SPHKAP: variants seen among roughly 807,000 people sequenced by gnomAD.
SPHKAP encodes the protein A-kinase anchor protein SPHKAP.
Under a neutral mutation model 137.5 loss-of-function variants are expected in SPHKAP, and 67 were observed. That is an observed-to-expected ratio of 0.49 (90% confidence interval 0.40 to 0.60). The LOEUF (loss-of-function observed/expected upper bound fraction) is 0.60. SPHKAP is among the 20% of genes least tolerant of loss of function. The pLI is 0.00. For synonymous variants in SPHKAP, 813 were observed against 785.3 expected, an observed-to-expected ratio of 1.04 and a Z score of -0.59; for missense variants, 2,097 against 2,069.3, an observed-to-expected ratio of 1.01 and a Z score of -0.26.
At chr2:228,008,049 A>G (rs1694209703) in intron 7 of SPHKAP, among the ~76,000 whole-genome samples, 1 of 152,116 alleles carries the variant, frequency 6.6e-6, no homozygotes, top group Non-Finnish European at 1.5e-5. Context: ...GAGTTTTAAG[A>G]GTTCTTTGTA....
intron 11 of SPHKAP, among the ~76,000 whole-genome samples, chr2:227,985,139 C>T (rs1433666171): frequency 6.6e-6 from 1 of 152,158 alleles, no homozygotes; most frequent in Admixed American, 6.5e-5. Flanking sequence ...AAATAACTCA[C>T]CAGCTAGGCC....
intron 3 of SPHKAP, among the ~76,000 whole-genome samples, chr2:228,031,382 G>C (rs1356146643): frequency 2.0e-5 from 3 of 152,218 alleles, no homozygotes. Context: ...CTCGATCTGG[G>C]TGGAGCCCAC....
At chr2:228,144,530 AT>A (rs1425224083) in intron 1 of SPHKAP, among the ~76,000 whole-genome samples, 3 of 151,812 alleles carry the variant, frequency 2.0e-5, no homozygotes, top group African/African-American at 4.8e-5. Context: ...TATTTGTGAT[AT>A]TTTTTCTTGC....
chr2:228,058,549 C>T (rs749160415), intron 3 of SPHKAP, among the ~76,000 whole-genome samples: 10 of 152,248 alleles, frequency 6.6e-5, no homozygotes, highest in South Asian at 2.1e-4. Context: ...CCGCTGTTAA[C>T]GTTGCTGGAG....
At chr2:228,157,256 G>A (rs1559205481) in intron 1 of SPHKAP, among the ~76,000 whole-genome samples, 1 of 152,118 alleles carries the variant, frequency 6.6e-6, no homozygotes, top group Non-Finnish European at 1.5e-5. Flanking sequence ...ATTCAGAGTA[G>A]TCAACTAATT....
intron 7 of SPHKAP, among the ~76,000 whole-genome samples, chr2:227,996,691 C>G (rs937504365): frequency 1.3e-5 from 2 of 152,168 alleles, no homozygotes; most frequent in African/African-American, 4.8e-5. Flanking sequence ...TGCCTTCCCA[C>G]CCTCTTCCTG....
chr2:228,025,215 T>A (rs78620391), intron 5 of SPHKAP, among the ~76,000 whole-genome samples, 179 bp downstream of exon 5: 4,027 of 152,314 alleles, frequency 0.026, 77 homozygotes, highest in Admixed American at 0.043. Flanking sequence ...AAAAGCTCTG[T>A]CAAACTCTAA....
intron 3 of SPHKAP, among the ~76,000 whole-genome samples, chr2:228,098,556 GAAC>G (rs1220927418): frequency 6.6e-6 from 1 of 151,456 alleles, no homozygotes; most frequent in African/African-American, 2.4e-5. Flanking sequence ...GGTGGGAATT[GAAC>G]AATGAGAACA....
At chr2:228,155,420 A>C (rs1213336376) in intron 1 of SPHKAP, among the ~76,000 whole-genome samples, 1 of 152,222 alleles carries the variant, frequency 6.6e-6, no homozygotes, top group East Asian at 1.9e-4. Context: ...GAAAAAGTTT[A>C]CTCACTATAA....
Position 228,181,644 on chromosome 2 carries a change from G to A in SPHKAP, c.-46C>T, listed in dbSNP as rs761494789. ...AGAAAGACGGAAAGTGCAGGCGAAG[G>A]ATAAGTCTGTGGTGCTAGGACCCAG... On this transcript the variant is annotated 5_prime_UTR_variant, in exon 1 of 12. Transcript: ENST00000392056. This position sits in a 1 kb window ranked among gnomAD's most constrained non-coding sequence, Gnocchi z 4.3. 52 of 1,614,016 alleles carry A rather than the reference G, an allele frequency of 3.2e-5. No homozygotes were observed. The highest frequency in any genetic ancestry group is 4.2e-5 in the Non-Finnish European group (50 of 1,180,010).
At chr2:228,085,785 T>C (rs1271692838) in intron 3 of SPHKAP, among the ~76,000 whole-genome samples, 1 of 152,178 alleles carries the variant, frequency 6.6e-6, no homozygotes, top group East Asian at 1.9e-4. Context: ...TTGGACTCCA[T>C]GTATTATAAG....
chr2:228,011,400 T>C (rs1343846853), intron 7 of SPHKAP, among the ~76,000 whole-genome samples: 2 of 152,224 alleles, frequency 1.3e-5, no homozygotes, highest in Non-Finnish European at 2.9e-5. Context: ...AGAAAATGAA[T>C]TTTTAGGCTA....
At chr2:228,139,460 T>C (rs190709031) in intron 1 of SPHKAP, among the ~76,000 whole-genome samples, 38 of 152,284 alleles carry the variant, frequency 2.5e-4, no homozygotes, top group African/African-American at 7.7e-4. Flanking sequence ...TATATGACAA[T>C]ATAAAATAAC....
At chr2:228,045,771 A>G (rs1574795287) in intron 3 of SPHKAP, among the ~76,000 whole-genome samples, 1 of 150,334 alleles carries the variant, frequency 6.7e-6, no homozygotes, top group Non-Finnish European at 1.5e-5. Flanking sequence ...AAGAAAAAAA[A>G]TAGAATCTGG....
At chr2:228,071,536 T>C (rs2106301909) in intron 3 of SPHKAP, among the ~76,000 whole-genome samples, 2 of 152,362 alleles carry the variant, frequency 1.3e-5, no homozygotes, top group Middle Eastern at 6.8e-3. Context: ...ATGACTTCAC[T>C]TTTTCTCAAG....
chr2:228,018,501 T>G lies in SPHKAP; in HGVS notation c.2353A>C (p.Asn785His). The G allele has an allele frequency of 4.3e-6, 7 of 1,614,200 alleles. No individual in the cohort carries two copies. Among genetic ancestry groups the G allele is most frequent in the Non-Finnish European group, 5.9e-6 (7 of 1,180,028 alleles). The change falls in exon 7 of 12, where the codon AAC becomes CAC. Residue 785 changes from asparagine to histidine, a missense_variant. Physicochemically the swap from Asn to His is moderately conservative, Grantham distance 68. Coordinates refer to ENST00000392056, the MANE Select transcript of SPHKAP (RefSeq NM_001142644.2). ...GAATACATGCCATCCACAAGATTGT[T>G]GATGACAAGACTCGTGTTGTGTGAA... ...SNSHNTSLVI[N>H]NLVDGMYSKQ...
chr2:228,018,370 T>G lies in SPHKAP; in HGVS notation c.2484A>C (p.Thr828=). ...HRVPDSSTAT[T]SSKEIYLKGI... is the part of the protein sequence containing the mutation. ...CTTTCAGATATATTTCCTTGGAGGA[T>G]GTTGTAGCAGTTGAAGAATCGGGCA... is the stretch of plus-strand genomic sequence containing the variant. The change falls in exon 7 of 12, where the codon ACA becomes ACC. Residue 828 remains threonine (T), a synonymous_variant. Transcript: ENST00000392056. 6.2e-7 allele frequency: 1 copy of G among 1,614,144 alleles called. No individual in the cohort carries two copies. Among genetic ancestry groups the G allele is most frequent in the South Asian group, 1.1e-5 (1 of 91,082 alleles).
At chr2:228,135,906 A>G (rs1699427063) in intron 1 of SPHKAP, among the ~76,000 whole-genome samples, 1 of 152,196 alleles carries the variant, frequency 6.6e-6, no homozygotes, top group Admixed American at 6.5e-5. Context: ...CTAATATCAA[A>G]GAAAATGTAG....
At chr2:227,996,589 C>A (rs1226521810) in intron 7 of SPHKAP, among the ~76,000 whole-genome samples, 1 of 152,178 alleles carries the variant, frequency 6.6e-6, no homozygotes, top group Non-Finnish European at 1.5e-5. Flanking sequence ...CCAGCCAGGA[C>A]CCTTCTTCTG....
Sources: allele counts gnomAD v4.1 joint callset (sites outside exome capture counted in the v4.1 genomes callset), GRCh38; gene constraint gnomAD v4.1.1; non-coding constraint Gnocchi (gnomAD v3.1); transcripts MANE v1.5; gene names NCBI Gene and HGNC (gene_info 2026-07-23, HGNC 2026-07-21).